GLS: variants seen among roughly 807,000 people sequenced by gnomAD.
GLS encodes glutaminase, also known as glutaminase kidney isoform, mitochondrial.
In GLS, 36 loss-of-function variants were observed where a neutral mutation model predicts 86.7. That is an observed-to-expected ratio of 0.42 (90% CI 0.32 to 0.55). The LOEUF (loss-of-function observed/expected upper bound fraction) is 0.55, where lower values mean the gene tolerates loss of function less well. Ranked by LOEUF, GLS falls within the 20% of genes least tolerant of loss-of-function variation. The pLI is 0.17. For missense variants in GLS, 528 were observed against 833.4 expected (o/e 0.63, Z 4.51); for synonymous variants, 317 against 305.9 (o/e 1.04, Z -0.38).
rs142376836 is a variant in GLS at position 190,901,967 on chromosome 2, A to G, written c.756A>G (p.Gln252=). The G allele has an allele frequency of 5.5e-4, 881 of 1,608,492 alleles. 11 individuals carry two copies. The African/African-American group carries it at 0.01, about 19-fold the overall frequency. Reference sequence around the variant, plus strand: ...GATAGGTTGCAGATTATATTCCTCAACTGGCCAAATTCAGTCCCGATTTGT... The same window carrying G: ...GATAGGTTGCAGATTATATTCCTCAGCTGGCCAAATTCAGTCCCGATTTGT... ...SGGKVADYIP[Q]LAKFSPDLWG... is the part of the protein sequence containing the mutation. The change falls in exon 5 of 18, where the codon CAA becomes CAG. Residue 252 remains glutamine, a synonymous_variant. Coordinates refer to ENST00000320717, the MANE Select transcript of GLS (RefSeq NM_014905.5).
In GLS at chr2:190,905,117, G is replaced by C. The variant is rs1466248533; in HGVS notation, c.929G>C (p.Gly310Ala). 6.2e-7 allele frequency: 1 copy of C among 1,606,680 alleles called. No homozygotes were observed. Among genetic ancestry groups the C allele is most frequent in the East Asian group, 2.2e-5 (1 of 44,788 alleles). The change falls in exon 6 of 18, where the codon GGA (glycine) becomes GCA (alanine). Residue 310 changes from glycine to alanine, a missense_variant. Gly to Ala is a moderately conservative substitution (Grantham distance 60). Coordinates refer to ENST00000320717, the MANE Select transcript of GLS (RefSeq NM_014905.5). The surrounding 1 kb of genome is among the most constrained non-coding windows in gnomAD (Gnocchi z 4.6). ...LGTEYVHRYV[G>A]KEPSGLRFNK... Reference sequence around the variant, plus strand: ...ACTGAATATGTGCATCGATATGTTGGAAAAGAGCCGAGTGGACTAAGATTC... The same window carrying C: ...ACTGAATATGTGCATCGATATGTTGCAAAAGAGCCGAGTGGACTAAGATTC...
At chr2:190,884,962 G>T (rs962470860) in intron 1 of GLS, among the ~76,000 whole-genome samples, 1 of 152,184 alleles carries the variant, frequency 6.6e-6, no homozygotes, top group African/African-American at 2.4e-5. Flanking sequence ...CTGTGATGTG[G>T]TAGTTGGATG....
Position 190,905,055 on chromosome 2 carries a change from A to T in GLS, c.867A>T (p.Lys289Asn). 1 of 1,602,398 alleles carries T rather than the reference A, an allele frequency of 6.2e-7. No individual in the cohort carries two copies. Among genetic ancestry groups the T allele is most frequent in the Non-Finnish European group, 8.6e-7 (1 of 1,169,460 alleles). ...CCTTCTGTCTTCAGTCCTGTGTAAA[A>T]CCTTTGAAATATGCCATTGCTGTTA... Reference protein sequence around the residue: ...KVPFCLQSCVKPLKYAIAVND... With the variant: ...KVPFCLQSCVNPLKYAIAVND... Residue 289 changes from lysine to asparagine, a missense_variant, in exon 6 of 18, where the codon AAA becomes AAT. Transcript: ENST00000320717. The surrounding 1 kb of genome is among the most constrained non-coding windows in gnomAD (Gnocchi z 4.6).
Position 190,949,677 on chromosome 2 carries a change from G to C in GLS, c.1651-3888G>C, listed in dbSNP as rs1690666789. 6.6e-6 allele frequency among the ~76,000 whole-genome samples: 1 copy of C among 152,134 alleles called. No individual in the cohort carries two copies. On this transcript the variant is annotated intron_variant, in intron 14 of 17. Coordinates refer to ENST00000320717, the MANE Select transcript of GLS (RefSeq NM_014905.5). The surrounding 1 kb of genome is among the most constrained non-coding windows in gnomAD (Gnocchi z 4.0). ...ACTGCACTCCAGCCTGGGTGACAGAGCGAGACCTTGTCTCAAAAAAAATAA... is the reference window on the plus strand; with the variant it reads ...ACTGCACTCCAGCCTGGGTGACAGACCGAGACCTTGTCTCAAAAAAAATAA...
At chr2:190,934,678 A>G in intron 14 of GLS, 1 of 977,178 alleles carries the variant, frequency 1.0e-6, no homozygotes, top group Non-Finnish European at 1.2e-6. Flanking sequence ...TTAAATGAAG[A>G]TTTAGTTTTC....
chr2:190,934,920 G>C (rs1690226441), intron 14 of GLS: 21 of 974,916 alleles, frequency 2.2e-5, no homozygotes, highest in Non-Finnish European at 2.4e-5. Context: ...AAAAAACTTT[G>C]CCAGTTTTAA....
chr2:190,903,828 A>G (rs1370671265), intron 5 of GLS, among the ~76,000 whole-genome samples: 1 of 152,186 alleles, frequency 6.6e-6, no homozygotes, highest in Non-Finnish European at 1.5e-5. Flanking sequence ...AATAAATTTG[A>G]TAGGAAAAAA....
chr2:190,961,687 C>CGTTT (rs1172048241), intron 17 of GLS, among the ~76,000 whole-genome samples: 3 of 61,820 alleles, frequency 4.9e-5, no homozygotes, highest in African/African-American at 1.7e-4. Flanking sequence ...CTTAATTCAG[C>CGTTT]TGTTTTTTTT....
chr2:190,927,417 C>A lies in GLS; in HGVS notation c.1360C>A (p.Arg454=), dbSNP rs761116347. The A allele has an allele frequency of 1.2e-6, 2 of 1,613,702 alleles. No individual in the cohort carries two copies. Among genetic ancestry groups the A allele is most frequent in the Non-Finnish European group, 1.7e-6 (2 of 1,179,752 alleles). The change falls in exon 12 of 18, where the codon CGA becomes AGA. Residue 454 remains arginine, a synonymous_variant. Coordinates refer to ENST00000320717, the MANE Select transcript of GLS (RefSeq NM_014905.5). The part of the protein sequence containing the change: ...GERVLSPEAV[R]NTLSLMHSCG... ...AAGAGTACTGAGCCCTGAAGCAGTT[C>A]GAAATACATTGAGTTTGATGCATTC...
At chr2:190,893,685 A>G (rs1688637682) in intron 1 of GLS, among the ~76,000 whole-genome samples, 1 of 152,152 alleles carries the variant, frequency 6.6e-6, no homozygotes, top group South Asian at 2.1e-4. Flanking sequence ...TCCCGGGTTC[A>G]AGCTATTCTC....
chr2:190,901,819 G>A, intron 4 of GLS, 128 bp from the exon 5 acceptor site: 1 of 643,836 alleles, frequency 1.6e-6, no homozygotes, highest in Non-Finnish European at 2.8e-6. Flanking sequence ...AGACTATGAA[G>A]CCACTGAGTG....
chr2:190,921,149 T>C lies in GLS; in HGVS notation c.1076T>C (p.Met359Thr). Reference sequence around the variant, plus strand: ...TTCCCTACTTTTGGTTTCTAGGTCATGCAGTTTTTGAATAAGATGGCTGGT... The same window carrying C: ...TTCCCTACTTTTGGTTTCTAGGTCACGCAGTTTTTGAATAAGATGGCTGGT... ...VNNAEKFDYV[M>T]QFLNKMAGNE... The change falls in exon 9 of 18, where the codon ATG becomes ACG. Residue 359 changes from methionine to threonine, a missense_variant. Met to Thr is a moderately conservative substitution (Grantham distance 81). Around this residue, in one of 4 missense-constraint regions of GLS, gnomAD observed 163 missense variants for 429.2 expected, o/e 0.38. Coordinates refer to ENST00000320717, the MANE Select transcript of GLS (RefSeq NM_014905.5). The surrounding 1 kb of genome is among the most constrained non-coding windows in gnomAD (Gnocchi z 4.2). The C allele has an allele frequency of 6.2e-7, 1 of 1,607,280 alleles. No individual in the cohort carries two copies. Among genetic ancestry groups the C allele is most frequent in the Non-Finnish European group, 8.5e-7 (1 of 1,174,176 alleles).
At position 190,881,152 on chromosome 2, in the gene GLS, C is replaced by G; in HGVS notation, c.68C>G (p.Ala23Gly). 1 of 1,554,458 alleles carries G rather than the reference C, an allele frequency of 6.4e-7. No homozygotes were observed. The highest frequency in any genetic ancestry group is 8.6e-7 in the Non-Finnish European group (1 of 1,158,488). The change falls in exon 1 of 18, where the codon GCG becomes GGG. Residue 23 changes from alanine to glycine, a missense_variant. By Grantham distance (60) the Ala-to-Gly change is moderately conservative (BLOSUM62 0). Coordinates refer to ENST00000320717, the MANE Select transcript of GLS (RefSeq NM_014905.5). ...CTGCGGTCGCCCGCCGGCGTGAGCG[C>G]GACTCTGCGGCGGGCACAGCCCTTG... ...LLLRSPAGVS[A>G]TLRRAQPLVT...
chr2:190,913,092 T>C lies in GLS; in HGVS notation c.1038+2771T>C, dbSNP rs1333423394. ...GGAATTTATCATGGTGCCATTAAAA[T>C]CATTTTCTTCATGTTAATCCCCCCA... is the stretch of plus-strand genomic sequence containing the variant. On this transcript the variant is annotated intron_variant, in intron 7 of 17. Transcript: ENST00000320717. The surrounding 1 kb of genome is among the most constrained non-coding windows in gnomAD (Gnocchi z 6.1). 2.9e-6 allele frequency: 3 copies of C among 1,025,192 alleles called. No homozygotes were observed. The East Asian group carries it at 1.8e-4, about 61-fold the overall frequency. The allele number at this position is 1,025,192 out of a possible 1,614,324, so 63.5% of individuals were successfully genotyped here.
At chr2:190,937,226 TA>T (rs1308695037) in intron 14 of GLS, among the ~76,000 whole-genome samples, 1 of 151,382 alleles carries the variant, frequency 6.6e-6, no homozygotes, top group African/African-American at 2.4e-5. Context: ...GTAACAAAGT[TA>T]AAAACCTTTG....
At chr2:190,893,327 C>A (rs1322858345) in intron 1 of GLS, among the ~76,000 whole-genome samples, 1 of 152,156 alleles carries the variant, frequency 6.6e-6, no homozygotes, top group Non-Finnish European at 1.5e-5. Flanking sequence ...ATTGTGTAAC[C>A]TTGGAAAGCT....
intron 14 of GLS, among the ~76,000 whole-genome samples, chr2:190,936,923 T>C (rs749731098): frequency 3.3e-5 from 5 of 151,342 alleles, no homozygotes; most frequent in Non-Finnish European, 5.9e-5. Context: ...TTTAAAGGTA[T>C]ACGATCAGAA....
chr2:190,885,239 T>C (rs1688334720), intron 1 of GLS, among the ~76,000 whole-genome samples: 1 of 152,122 alleles, frequency 6.6e-6, no homozygotes, highest in Admixed American at 6.6e-5. Flanking sequence ...TCACACAGGC[T>C]GGAGTGCAGT....
At position 190,881,465 on chromosome 2, in the gene GLS, T is replaced by G. The variant is rs1207912439; in HGVS notation, c.381T>G (p.Gly127=). 6.5e-7 allele frequency: 1 copy of G among 1,539,050 alleles called. No individual in the cohort carries two copies. The highest frequency in any genetic ancestry group is 2.6e-5 in the East Asian group (1 of 39,186). The stretch of plus-strand genomic sequence containing the variant: ...AGGGCAAAGAGCTGGTGGCCTCAGG[T>G]GAAAAGTGAGTGTCTCCGCGAGGCG... The part of the protein sequence containing the change: ...NSEGKELVAS[G]ENKIKQGLLP... The change falls in exon 1 of 18, where the codon GGT becomes GGG. Residue 127 remains glycine, a synonymous_variant. Coordinates refer to ENST00000320717, the MANE Select transcript of GLS (RefSeq NM_014905.5).
Sources: allele counts gnomAD v4.1 joint callset (sites outside exome capture counted in the v4.1 genomes callset), GRCh38; gene constraint gnomAD v4.1.1; regional missense constraint gnomAD v4.1.1; non-coding constraint Gnocchi (gnomAD v3.1); transcripts MANE v1.5; gene names NCBI Gene and HGNC (gene_info 2026-07-23, HGNC 2026-07-21).